Variants in SNPH observed in about 807,000 individuals in gnomAD.
SNPH encodes the protein syntaphilin.
A neutral mutation model predicts 36.8 loss-of-function variants in SNPH; 10 were observed. The ratio of observed to expected loss-of-function variants is 0.27; its 90% CI spans 0.17 to 0.46. The LOEUF is 0.46. Among genes scored for constraint, SNPH ranks in the 20% least tolerant of loss-of-function variants. SNPH has a pLI of 1.00. For missense variants in SNPH, 622 were observed against 744.0 expected, an observed-to-expected ratio of 0.84 and a Z score of 1.91; for synonymous variants, 281 against 312.2, an observed-to-expected ratio of 0.90 and a Z score of 1.05.
intron 2 of SNPH, among the ~76,000 whole-genome samples, chr20:1,277,547 G>C (rs1360716671): frequency 1.8e-4 from 4 of 22,344 alleles, no homozygotes; most frequent in African/African-American, 5.3e-4. Context: ...GTGTGTCTGT[G>C]TGTGTATCTG....
intron 2 of SNPH, among the ~76,000 whole-genome samples, chr20:1,290,640 A>C (rs1478079737): frequency 1.3e-5 from 2 of 152,230 alleles, no homozygotes; most frequent in Non-Finnish European, 2.9e-5. Flanking sequence ...GAATAGTGCT[A>C]CTGTGAAGTA....
intron 2 of SNPH, among the ~76,000 whole-genome samples, chr20:1,279,814 A>T (rs2088195199): frequency 6.6e-6 from 1 of 152,128 alleles, no homozygotes; most frequent in Non-Finnish European, 1.5e-5. Flanking sequence ...TGATGTCCAG[A>T]GAGGCCTGGC....
rs1600260958 is a variant in SNPH at position 1,297,367 on chromosome 20, C to T, written c.290+115C>T. On this transcript the variant is annotated intron_variant, in intron 5 of 6. Coordinates refer to ENST00000381867, the MANE Select transcript of SNPH (RefSeq NM_001318234.2). Reference sequence around the variant, plus strand: ...TAACCACCCCTGACGCCAGCATAGCCGCTGGCCGTGTGACCTTGAGCAGAT... The same window carrying T: ...TAACCACCCCTGACGCCAGCATAGCTGCTGGCCGTGTGACCTTGAGCAGAT... The T allele has an allele frequency of 1.4e-5, 12 of 882,178 alleles. 1 individual carries two copies. Among genetic ancestry groups the T allele is most frequent in the South Asian group, 5.1e-5 (3 of 58,522 alleles). The allele number at this position is 882,178 out of a possible 1,614,324, so 54.6% of individuals were successfully genotyped here. A position where few individuals can be genotyped will look rare whatever the true frequency, so the allele number is the denominator to read the frequency against.
intron 2 of SNPH, among the ~76,000 whole-genome samples, chr20:1,268,257 C>T (rs2088031412): frequency 1.3e-5 from 2 of 152,202 alleles, no homozygotes; most frequent in Non-Finnish European, 2.9e-5. Context: ...AAAATCCTGG[C>T]ATCCAAGGGC....
intron 2 of SNPH, among the ~76,000 whole-genome samples, chr20:1,272,341 G>A (rs183278134): frequency 6.6e-6 from 1 of 152,330 alleles, no homozygotes; most frequent in Admixed American, 6.5e-5. Context: ...AATATGTTAA[G>A]CAAGGGATGT....
intron 3 of SNPH, 56 bp downstream of exon 3, chr20:1,295,034 C>T (rs2088411798): frequency 6.5e-6 from 1 of 152,698 alleles, no homozygotes; most frequent in African/African-American, 2.4e-5. Context: ...GTGAATGCTT[C>T]CCTCCAGCAT....
chr20:1,277,941 CTGTG>C (rs1179449601), intron 2 of SNPH, among the ~76,000 whole-genome samples: 1 of 127,386 alleles, frequency 7.9e-6, no homozygotes, highest in East Asian at 2.4e-4. Flanking sequence ...GCGTGTGTGC[CTGTG>C]TGTGTCTGTG....
At position 1,281,290 on chromosome 20, in the gene SNPH, TC is replaced by T. The variant is rs2088217995; in HGVS notation, c.-492-13658del. 5.9e-5 allele frequency among the ~76,000 whole-genome samples: 9 copies of T among 152,344 alleles called. No homozygotes were observed. In the South Asian group the frequency reaches 1.9e-3, roughly 32 times the overall value. On this transcript the variant is annotated intron_variant, in intron 2 of 6. Coordinates refer to ENST00000381867, the MANE Select transcript of SNPH (RefSeq NM_001318234.2). ...TATAGCCTTCGTTAAAACGTCGTCA[TC>T]CCTGACCTGTCCTGGTGCTTCTCTT...
At chr20:1,279,208 T>A (rs2088186725) in intron 2 of SNPH, among the ~76,000 whole-genome samples, 3 of 152,240 alleles carry the variant, frequency 2.0e-5, no homozygotes, top group Non-Finnish European at 4.4e-5. Flanking sequence ...TCAGTTCCTC[T>A]ACATCCTCAT....
chr20:1,272,716 G>C (rs183661398), intron 2 of SNPH, among the ~76,000 whole-genome samples: 1 of 152,252 alleles, frequency 6.6e-6, no homozygotes, highest in South Asian at 2.1e-4. Flanking sequence ...AGGAAGGAAG[G>C]CTGGAAAGGC....
chr20:1,279,615 C>CTTTTTTTTTTTTTTTTTTTTTTTTT (rs1259483361), intron 2 of SNPH, among the ~76,000 whole-genome samples: 1 of 111,630 alleles, frequency 9.0e-6, no homozygotes, highest in African/African-American at 3.0e-5. Context: ...GAGACTCCGG[C>CTTTTTTTTTTTTTTTTTTTTTTTTT]TTCTTTTTTT....
chr20:1,278,486 C>T (rs1380364783), intron 2 of SNPH, among the ~76,000 whole-genome samples: 1 of 152,150 alleles, frequency 6.6e-6, no homozygotes, highest in Admixed American at 6.5e-5. Context: ...GGATAGTGAA[C>T]ATCTCCATCG....
rs952651307 is a variant in SNPH at position 1,304,081 on chromosome 20, T to C, written c.441-797T>C. 2.0e-5 allele frequency among the ~76,000 whole-genome samples: 3 copies of C among 152,220 alleles called. No homozygotes were observed. Among genetic ancestry groups the C allele is most frequent in the Non-Finnish European group, 4.4e-5 (3 of 68,038 alleles). On this transcript the variant is annotated intron_variant, in intron 6 of 6. Coordinates refer to ENST00000381867, the MANE Select transcript of SNPH (RefSeq NM_001318234.2). This position sits in a 1 kb window ranked among gnomAD's most constrained non-coding sequence, Gnocchi z 4.3. ...GGAATTTGAAAAGCCTGAGCATTTC[T>C]GGACAAGAGTCTGCCGACTATCTTG...
rs1158834575 is a variant in SNPH, at chr20:1,266,698, G to T, written c.-555G>T. 6.9e-7 allele frequency: 1 copy of T among 1,448,338 alleles called. No homozygotes were observed. The highest frequency in any genetic ancestry group is 9.1e-7 in the Non-Finnish European group (1 of 1,104,590). 89.7% of individuals were successfully genotyped at this position (1,448,338 alleles called of 1,614,324 possible). On this transcript the variant is annotated 5_prime_UTR_variant, in exon 2 of 7. Coordinates refer to ENST00000381867, the MANE Select transcript of SNPH (RefSeq NM_001318234.2). The surrounding 1 kb of genome is among the most constrained non-coding windows in gnomAD (Gnocchi z 6.0). ...CGGCTGCAGCAGCGACTGCAGAGGC[G>T]CTGCGCCAAGCCGGGCCGGAGTGGT...
In SNPH at chr20:1,296,473, G is replaced by A. The variant is rs116427565; in HGVS notation, c.182+52G>A. 3,312 of 1,489,984 alleles carry A rather than the reference G, an allele frequency of 2.2e-3. 68 individuals are homozygous for A. In the African/African-American group the frequency reaches 0.038, roughly 17 times the overall value. 92.3% of individuals were successfully genotyped at this position (1,489,984 alleles called of 1,614,324 possible). The stretch of plus-strand genomic sequence containing the variant: ...AGGCTTCGGAGGGCGGGAGGAGGGC[G>A]CACGGGCCTCTCTCTACCTGCCACC... On this transcript the variant is annotated intron_variant, in intron 4 of 6. Transcript: ENST00000381867.
Position 1,306,118 on chromosome 20 carries a change from CT to C in SNPH, c.*65del. On this transcript the variant is annotated 3_prime_UTR_variant, in exon 7 of 7. Transcript: ENST00000381867. ...CTGATTGTAGGGATGCCGTTCCCCC[CT>C]CCCTTCTCCCATGGGCATCATCTTA... The C allele has an allele frequency of 8.1e-7, 1 of 1,236,410 alleles. No individual in the cohort carries two copies. The highest frequency in any genetic ancestry group is 1.1e-6 in the Non-Finnish European group (1 of 934,178). 76.6% of individuals were successfully genotyped at this position (1,236,410 alleles called of 1,614,324 possible).
At chr20:1,269,325 C>A (rs1458369889) in intron 2 of SNPH, among the ~76,000 whole-genome samples, 2 of 152,170 alleles carry the variant, frequency 1.3e-5, no homozygotes, top group East Asian at 3.8e-4. Context: ...ACTATGATTA[C>A]CCTCAACGTC....
intron 2 of SNPH, among the ~76,000 whole-genome samples, chr20:1,284,827 G>A (rs1242191695): frequency 1.3e-5 from 2 of 152,182 alleles, no homozygotes; most frequent in Admixed American, 6.5e-5. Context: ...TACATCAGCC[G>A]AAGAAAAGGC....
At chr20:1,283,867 G>GGACCCCCA (rs1454695274) in intron 2 of SNPH, among the ~76,000 whole-genome samples, 2 of 152,156 alleles carry the variant, frequency 1.3e-5, no homozygotes, top group Admixed American at 6.5e-5. Flanking sequence ...TTGCTTTTCT[G>GGACCCCCA]GACCCCCAGG....
Sources: allele counts gnomAD v4.1 joint callset (sites outside exome capture counted in the v4.1 genomes callset), GRCh38; gene constraint gnomAD v4.1.1; non-coding constraint Gnocchi (gnomAD v3.1); transcripts MANE v1.5; gene names NCBI Gene and HGNC (gene_info 2026-07-23, HGNC 2026-07-21).